NTM: variants seen among roughly 807,000 people sequenced by gnomAD.
The protein encoded by NTM is IgLON family member 2.
In NTM, 13 loss-of-function variants were observed where a neutral mutation model predicts 42.1. The observed-to-expected ratio is 0.31, with a 90% CI of 0.20 to 0.49. NTM has a LOEUF of 0.49. NTM is among the 20% of genes least tolerant of loss of function. The pLI is 0.99. For missense variants in NTM, 373 were observed against 452.8 expected, an observed-to-expected ratio of 0.82 and a Z score of 1.60; for synonymous variants, 187 against 179.2, an observed-to-expected ratio of 1.04 and a Z score of -0.35.
At chr11:132,285,279 C>G (rs559581316) in intron 4 of NTM, among the ~76,000 whole-genome samples, 1 of 152,204 alleles carries the variant, frequency 6.6e-6, no homozygotes, top group Non-Finnish European at 1.5e-5. Flanking sequence ...TTCTCATGCC[C>G]ACCAGCCTTC....
intron 1 of NTM, among the ~76,000 whole-genome samples, chr11:131,727,990 G>T (rs781732938): frequency 2.6e-5 from 4 of 152,114 alleles, no homozygotes; most frequent in African/African-American, 4.8e-5. Context: ...ATGTAGAGTC[G>T]AGGTCAGAGT....
At chr11:131,654,981 T>G (rs749622822) in intron 1 of NTM, among the ~76,000 whole-genome samples, 1 of 152,170 alleles carries the variant, frequency 6.6e-6, no homozygotes, top group Non-Finnish European at 1.5e-5. Context: ...CACATGCACA[T>G]GTACTCAATC....
chr11:131,821,025 GTT>G (rs34815584), intron 1 of NTM, among the ~76,000 whole-genome samples: 3 of 146,508 alleles, frequency 2.0e-5, no homozygotes, highest in Admixed American at 1.4e-4. Context: ...CCTCCAAAGG[GTT>G]TTTTTTTTTT....
intron 3 of NTM, among the ~76,000 whole-genome samples, chr11:132,188,003 A>G (rs1048050148): frequency 5.3e-5 from 8 of 152,196 alleles, no homozygotes; most frequent in African/African-American, 1.4e-4. Flanking sequence ...CCTCCTAAAG[A>G]TAAGCTAGCC....
chr11:131,408,919 CA>C (rs1946093322), intron 1 of NTM, among the ~76,000 whole-genome samples: 1 of 152,198 alleles, frequency 6.6e-6, no homozygotes, highest in Non-Finnish European at 1.5e-5. Context: ...CATCCCAAAG[CA>C]GGTTCACCCA....
At chr11:131,868,965 A>G (rs1406490301) in intron 1 of NTM, among the ~76,000 whole-genome samples, 1 of 152,192 alleles carries the variant, frequency 6.6e-6, no homozygotes, top group African/African-American at 2.4e-5. Flanking sequence ...TTTTGTGGGC[A>G]AATGAATACA....
At chr11:131,680,158 G>A (rs1470117000) in intron 1 of NTM, among the ~76,000 whole-genome samples, 5 of 152,062 alleles carry the variant, frequency 3.3e-5, no homozygotes, top group South Asian at 2.1e-4. Context: ...TGGTATTTAC[G>A]TCTCTGTGTT....
intron 2 of NTM, among the ~76,000 whole-genome samples, chr11:131,971,430 GA>G (rs1274055586): frequency 2.0e-5 from 3 of 151,766 alleles, no homozygotes; most frequent in Non-Finnish European, 2.9e-5. Flanking sequence ...AGATTTTCAG[GA>G]AAAAATGCTT....
chr11:132,054,503 C>G (rs139759054), intron 2 of NTM, among the ~76,000 whole-genome samples: 2 of 152,194 alleles, frequency 1.3e-5, no homozygotes, highest in African/African-American at 4.8e-5. Context: ...AATGTGAAAT[C>G]CTTCTTCTGA....
chr11:132,174,301 C>T (rs557177207), intron 3 of NTM, among the ~76,000 whole-genome samples: 53 of 152,212 alleles, frequency 3.5e-4, no homozygotes, highest in African/African-American at 1.3e-3. Context: ...ATGCCTTTTT[C>T]CCTACTGCAA....
At chr11:131,812,587 G>T (rs769593713) in intron 1 of NTM, among the ~76,000 whole-genome samples, 36 of 152,044 alleles carry the variant, frequency 2.4e-4, no homozygotes, top group Non-Finnish European at 5.1e-4. Context: ...TAGGGATGCC[G>T]AGAAGGAAAG....
intron 1 of NTM, among the ~76,000 whole-genome samples, chr11:131,423,224 T>C (rs1947717928): frequency 6.6e-6 from 1 of 152,206 alleles, no homozygotes; most frequent in Admixed American, 6.5e-5. Context: ...CTCTAGGATG[T>C]AGGACCTATT....
rs1279451322 is a variant in NTM, at chr11:131,766,628, TCAGA to T, written c.83-144931_83-144928del. ...TTTGTACAATTATCAACCGCAGAAC[TCAGA>T]CAGAGCAGCCTCCATTATTCCACCT... On this transcript the variant is annotated intron_variant, in intron 1 of 8. Transcript: ENST00000683400. Among the ~76,000 whole-genome samples the T allele has an allele frequency of 3.3e-5, 5 of 152,294 alleles. No individual in the cohort carries two copies. In the East Asian group the frequency reaches 9.6e-4, roughly 29 times the overall value.
At chr11:131,739,187 C>CTT (rs202211213) in intron 1 of NTM, among the ~76,000 whole-genome samples, 27 of 144,336 alleles carry the variant, frequency 1.9e-4, no homozygotes, top group Admixed American at 5.6e-4. Flanking sequence ...CACAAGTTTT[C>CTT]TTTTTTTTTT....
intron 1 of NTM, among the ~76,000 whole-genome samples, chr11:131,483,126 T>C (rs894811815): frequency 6.6e-6 from 1 of 152,228 alleles, no homozygotes; most frequent in Non-Finnish European, 1.5e-5. Flanking sequence ...GGTTCTGGGA[T>C]GACATGAGTT....
At chr11:131,432,839 C>CTTTTTTTTTTTTTTTTTTTTTGTTT (rs1948772790) in intron 1 of NTM, among the ~76,000 whole-genome samples, 1 of 68,694 alleles carries the variant, frequency 1.5e-5, no homozygotes, top group African/African-American at 6.2e-5. Context: ...ATTTAGCATT[C>CTTTTTTTTTTTTTTTTTTTTTGTTT]TTTTTTTTTT....
chr11:131,597,741 C>G (rs983768444), intron 1 of NTM, among the ~76,000 whole-genome samples: 1 of 152,214 alleles, frequency 6.6e-6, no homozygotes, highest in Admixed American at 6.5e-5. Flanking sequence ...TTAAAATCTT[C>G]AATTTCCTAC....
chr11:131,951,521 G>A (rs1211265476), intron 2 of NTM, among the ~76,000 whole-genome samples: 1 of 152,152 alleles, frequency 6.6e-6, no homozygotes, highest in East Asian at 1.9e-4. Context: ...AGGCCTGCAG[G>A]AGAGTGGTCT....
intron 2 of NTM, among the ~76,000 whole-genome samples, chr11:132,073,071 T>G (rs1242294643): frequency 1.3e-5 from 2 of 152,154 alleles, no homozygotes; most frequent in East Asian, 3.9e-4. Context: ...CTTGGAGATG[T>G]GCTAGCTCCT....
Sources: gnomAD v4.1 joint callset for allele counts (sites outside exome capture counted in the v4.1 genomes callset) on GRCh38, gnomAD v4.1.1 for gene constraint, MANE v1.5 for transcripts, NCBI Gene and HGNC (gene_info 2026-07-23, HGNC 2026-07-21) for gene names.